The following KMT5B variants were observed in gnomAD, a reference collection of about 807,000 sequenced individuals.
The protein encoded by KMT5B is histone-lysine N-methyltransferase KMT5B.
A neutral mutation model predicts 83.2 loss-of-function variants in KMT5B; 10 were observed. The observed-to-expected ratio is 0.12, with a 90% CI of 0.07 to 0.20. KMT5B has a LOEUF of 0.20. Among genes scored for constraint, KMT5B ranks in the 10% least tolerant of loss-of-function variants. KMT5B has a pLI of 1.00. For synonymous variants in KMT5B, 349 were observed against 388.8 expected, an observed-to-expected ratio of 0.90 and a Z score of 1.20; for missense variants, 753 against 1,067.2, an observed-to-expected ratio of 0.71 and a Z score of 4.10.
rs748895417 is a variant in KMT5B at position 68,171,946 on chromosome 11, C to G, written c.654-237G>C. Reference sequence around the variant, plus strand: ...TTCCTGCAAGAGAATGGAAACTCAACCAGGACAGGGACTATGCCACCTATG... The same window carrying G: ...TTCCTGCAAGAGAATGGAAACTCAAGCAGGACAGGGACTATGCCACCTATG... On this transcript the variant is annotated intron_variant, in intron 6 of 10. Transcript: ENST00000304363. The surrounding 1 kb of genome is among the most constrained non-coding windows in gnomAD (Gnocchi z 5.1). 6.6e-6 allele frequency among the ~76,000 whole-genome samples: 1 copy of G among 152,096 alleles called. No individual in the cohort carries two copies. Among genetic ancestry groups the G allele is most frequent in the Non-Finnish European group, 1.5e-5 (1 of 68,034 alleles).
At chr11:68,196,938 TA>T (rs1258476257) in intron 1 of KMT5B, among the ~76,000 whole-genome samples, 4 of 152,126 alleles carry the variant, frequency 2.6e-5, no homozygotes, top group Non-Finnish European at 5.9e-5. Context: ...AGAAATAAAA[TA>T]TATGGAATAG....
At chr11:68,175,914 G>GT (rs397848049) in intron 4 of KMT5B, among the ~76,000 whole-genome samples, 6,780 of 126,344 alleles carry the variant, frequency 0.054, 221 homozygotes, top group African/African-American at 0.066. Flanking sequence ...GGGTAGAGTT[G>GT]TTTTTTTTTT....
chr11:68,172,423 G>C (rs942126368), intron 6 of KMT5B, among the ~76,000 whole-genome samples: 1 of 151,038 alleles, frequency 6.6e-6, no homozygotes, highest in East Asian at 1.9e-4. Flanking sequence ...TTTTACTAGA[G>C]ATGGAGTTTC....
chr11:68,207,643 T>C (rs1293573890), intron 1 of KMT5B, among the ~76,000 whole-genome samples: 2 of 151,396 alleles, frequency 1.3e-5, no homozygotes. Context: ...ATACAAAAAT[T>C]AGCCAGGCAT....
At chr11:68,177,654 A>G (rs1236809962) in intron 4 of KMT5B, among the ~76,000 whole-genome samples, 12 of 152,324 alleles carry the variant, frequency 7.9e-5, no homozygotes, top group East Asian at 5.8e-4. Flanking sequence ...AAGTTCAAAC[A>G]TATCCTAGAG....
chr11:68,172,007 A>G (rs556951096), intron 6 of KMT5B, among the ~76,000 whole-genome samples: 1 of 151,206 alleles, frequency 6.6e-6, no homozygotes. Flanking sequence ...TTGCAAGCAG[A>G]AAGTACTCAA....
chr11:68,189,490 T>C (rs1857805679), intron 2 of KMT5B: 1 of 154,816 alleles, frequency 6.5e-6, no homozygotes, highest in Non-Finnish European at 1.4e-5. Context: ...ATCCTCATTC[T>C]ACTTATGTAA....
intron 1 of KMT5B, among the ~76,000 whole-genome samples, chr11:68,200,152 A>G (rs1479499404): frequency 6.6e-6 from 1 of 152,222 alleles, no homozygotes. Flanking sequence ...CAAAGTATTA[A>G]TGGCATTTCA....
chr11:68,200,675 G>A (rs1479555564), intron 1 of KMT5B, among the ~76,000 whole-genome samples: 1 of 152,176 alleles, frequency 6.6e-6, no homozygotes, highest in Non-Finnish European at 1.5e-5. Flanking sequence ...GCGCTTATAG[G>A]ATCTGTGTTA....
At chr11:68,209,480 C>A (rs1419063707) in intron 1 of KMT5B, among the ~76,000 whole-genome samples, 1 of 152,154 alleles carries the variant, frequency 6.6e-6, no homozygotes, top group Non-Finnish European at 1.5e-5. Flanking sequence ...CTGAATGGGC[C>A]TTTTGCGTAA....
intron 10 of KMT5B, among the ~76,000 whole-genome samples, chr11:68,161,388 G>A (rs1402474315): frequency 1.3e-5 from 2 of 152,068 alleles, no homozygotes; most frequent in Non-Finnish European, 2.9e-5. Context: ...ATGATCCTTT[G>A]CTCATTCTAT....
chr11:68,207,195 C>A (rs1490555403), intron 1 of KMT5B, among the ~76,000 whole-genome samples: 2 of 146,570 alleles, frequency 1.4e-5, no homozygotes, highest in African/African-American at 5.1e-5. Context: ...GCCTCGGCGA[C>A]AGAGCGAGAC....
At chr11:68,178,561 A>G (rs572156818) in intron 4 of KMT5B, among the ~76,000 whole-genome samples, 6 of 152,182 alleles carry the variant, frequency 3.9e-5, no homozygotes, top group Non-Finnish European at 8.8e-5. Context: ...ACCTGTTAAA[A>G]CTTACTGTCA....
chr11:68,166,686 T>C, intron 10 of KMT5B: 1 of 1,206,002 alleles, frequency 8.3e-7, no homozygotes, highest in Non-Finnish European at 1.0e-6. Flanking sequence ...TCACAGTCTC[T>C]AACACCTTGA....
At chr11:68,204,651 A>G (rs1373182281) in intron 1 of KMT5B, among the ~76,000 whole-genome samples, 1 of 131,844 alleles carries the variant, frequency 7.6e-6, no homozygotes, top group African/African-American at 2.9e-5. Context: ...AGAGTCTCAC[A>G]TGTTGCCTAG....
chr11:68,172,821 TAC>T (rs1288028868), intron 6 of KMT5B, among the ~76,000 whole-genome samples: 1 of 152,126 alleles, frequency 6.6e-6, no homozygotes, highest in African/African-American at 2.4e-5. Context: ...ACATTTCATG[TAC>T]ACACACTCAC....
chr11:68,204,087 G>A (rs185503740), intron 1 of KMT5B, among the ~76,000 whole-genome samples: 68 of 152,150 alleles, frequency 4.5e-4, no homozygotes, highest in Non-Finnish European at 7.6e-4. Flanking sequence ...AGAGAATAGC[G>A]TCTGAAGCTG....
intron 9 of KMT5B, 95 bp downstream of exon 9, chr11:68,170,920 G>A (rs1222003855): frequency 4.6e-6 from 6 of 1,308,208 alleles, no homozygotes; most frequent in Non-Finnish European, 6.3e-6. Context: ...GACTATCTCT[G>A]CATTTAAACA....
At chr11:68,172,886 C>A (rs1016953277) in intron 6 of KMT5B, among the ~76,000 whole-genome samples, 1 of 152,140 alleles carries the variant, frequency 6.6e-6, no homozygotes, top group Non-Finnish European at 1.5e-5. Context: ...AGATATCTGA[C>A]CCCCCAAATT....
Sources: gnomAD v4.1 joint callset for allele counts (sites outside exome capture counted in the v4.1 genomes callset) on GRCh38, gnomAD v4.1.1 for gene constraint, Gnocchi (gnomAD v3.1) non-coding constraint, MANE v1.5 for transcripts, NCBI Gene and HGNC (gene_info 2026-07-23, HGNC 2026-07-21) for gene names.